The following PRR5 variants were observed in gnomAD, a reference collection of about 807,000 sequenced individuals.
PRR5 encodes proline-rich protein 5.
In PRR5, 25 loss-of-function variants were observed where a neutral mutation model predicts 30.6. That is an observed-to-expected ratio of 0.82 (90% CI 0.60 to 1.14). PRR5 has a LOEUF of 1.14. PRR5 is among the 50% of genes most tolerant of loss of function. The pLI is 0.00. For synonymous variants in PRR5, 286 were observed against 247.1 expected (o/e 1.16, Z -1.48); for missense variants, 600 against 547.1 (o/e 1.10, Z -0.96).
At chr22:44,695,923 C>CTTTTTTTTTT (rs79228617) in intron 1 of PRR5, among the ~76,000 whole-genome samples, 10 of 73,346 alleles carry the variant, frequency 1.4e-4, no homozygotes, top group Admixed American at 4.3e-4. Context: ...ATTCTGACAA[C>CTTTTTTTTTT]TTTTTTTTTT....
chr22:44,681,960 A>G (rs545049885), intron 1 of PRR5, among the ~76,000 whole-genome samples: 9 of 152,306 alleles, frequency 5.9e-5, no homozygotes, highest in Admixed American at 5.9e-4. Context: ...GCCTGAGAGC[A>G]CAGTGGCTGG....
chr22:44,699,072 G>A (rs1411218410), upstream of PRR5, among the ~76,000 whole-genome samples: 4 of 152,198 alleles, frequency 2.6e-5, no homozygotes, highest in Non-Finnish European at 5.9e-5. Context: ...CCAGGGAGAG[G>A]TTATAGCTAA....
At chr22:44,717,781 A>C (rs1929310514) in intron 2 of PRR5, among the ~76,000 whole-genome samples, 1 of 145,866 alleles carries the variant, frequency 6.9e-6, no homozygotes, top group Non-Finnish European at 1.5e-5. Flanking sequence ...CAATGGCGTG[A>C]TCTCGGCTCA....
intron 2 of PRR5, among the ~76,000 whole-genome samples, chr22:44,717,348 C>T (rs890433059): frequency 6.6e-5 from 10 of 152,016 alleles, no homozygotes; most frequent in African/African-American, 1.9e-4. Context: ...CACATCACCA[C>T]GCCTGGCTAA....
chr22:44,670,589 T>A (rs971403949), intron 1 of PRR5, among the ~76,000 whole-genome samples: 20 of 152,356 alleles, frequency 1.3e-4, no homozygotes, highest in African/African-American at 3.8e-4. Context: ...GGGCTGGCAC[T>A]TCTGTGTCTT....
chr22:44,717,597 G>T (rs1425039599), intron 2 of PRR5, among the ~76,000 whole-genome samples: 2 of 152,112 alleles, frequency 1.3e-5, no homozygotes, highest in Non-Finnish European at 2.9e-5. Context: ...CTGTGGATGT[G>T]CCTATTCTGG....
rs1469554933 is a variant in PRR5 at position 44,737,327 on chromosome 22, C to CT, written c.*86dup. On this transcript the variant is annotated 3_prime_UTR_variant, in exon 8 of 8. Transcript: ENST00000336985. ...CCATGTGGCGTGTGTGTGAGTGAGACTTTTTTACTGCGTCCCGTCCCGCCA... is the reference window on the plus strand; with the variant it reads ...CCATGTGGCGTGTGTGTGAGTGAGACTTTTTTTACTGCGTCCCGTCCCGCCA... The CT allele has an allele frequency of 1.3e-5, 20 of 1,507,252 alleles. No homozygotes were observed. The highest frequency in any genetic ancestry group is 1.6e-5 in the Non-Finnish European group (18 of 1,128,350). 93.4% of individuals were successfully genotyped at this position (1,507,252 alleles called of 1,614,324 possible).
chr22:44,673,892 C>T (rs1202003296), upstream of PRR5, among the ~76,000 whole-genome samples: 3 of 152,122 alleles, frequency 2.0e-5, no homozygotes, highest in Non-Finnish European at 4.4e-5. Flanking sequence ...GAGTAAAATG[C>T]TCAACAAAGA....
intron 6 of PRR5, among the ~76,000 whole-genome samples, chr22:44,732,918 A>G (rs1602097235): frequency 7.0e-6 from 1 of 143,310 alleles, no homozygotes; most frequent in East Asian, 2.3e-4. Context: ...CACACTACAC[A>G]CGTGCGCACG....
At chr22:44,705,840 G>T (rs1018583558) in intron 1 of PRR5, among the ~76,000 whole-genome samples, 35 of 152,112 alleles carry the variant, frequency 2.3e-4, no homozygotes, top group African/African-American at 8.4e-4. Context: ...ACCCAGGCTG[G>T]AGTGCAGTGG....
At chr22:44,702,114 C>CGCCCCGCCCGCGCTG (rs1926372560), upstream of PRR5, 1 of 228,766 alleles carries the variant, frequency 4.4e-6, no homozygotes, top group Non-Finnish European at 7.4e-6. Flanking sequence ...CCTGAGGCCC[C>CGCCCCGCCCGCGCTG]GCCCCGCCCG....
intron 1 of PRR5, among the ~76,000 whole-genome samples, chr22:44,678,949 A>G (rs1466663655): frequency 6.6e-6 from 1 of 152,166 alleles, no homozygotes; most frequent in African/African-American, 2.4e-5. Flanking sequence ...GACAGGAGGA[A>G]GCCTGGGATG....
intron 7 of PRR5, among the ~76,000 whole-genome samples, chr22:44,736,120 C>T (rs1923203902): frequency 1.3e-5 from 2 of 152,228 alleles, no homozygotes; most frequent in African/African-American, 2.4e-5. Context: ...GCCTCCCGCC[C>T]AGATGAACCA....
Position 44,737,428 on chromosome 22 carries a change from C to A in PRR5, c.*181C>A, listed in dbSNP as rs1046762012. 1.5e-6 allele frequency: 2 copies of A among 1,295,432 alleles called. No homozygotes were observed. The highest frequency in any genetic ancestry group is 2.6e-5 in the East Asian group (1 of 38,882). The allele number at this position is 1,295,432 out of a possible 1,614,324, so 80.2% of individuals were successfully genotyped here. On this transcript the variant is annotated 3_prime_UTR_variant, in exon 8 of 8. Coordinates refer to ENST00000336985, the MANE Select transcript of PRR5 (RefSeq NM_181333.4). ...TTGGAAATACCATCAGCCTTCCTTG[C>A]TCGGCCCAGGTCTGTTTCAGGCATC...
chr22:44,704,453 G>C (rs568503484), intron 1 of PRR5, among the ~76,000 whole-genome samples: 1 of 152,030 alleles, frequency 6.6e-6, no homozygotes, highest in Non-Finnish European at 1.5e-5. Flanking sequence ...GGAGGCCTCA[G>C]GGGGACTCTG....
intron 2 of PRR5, among the ~76,000 whole-genome samples, chr22:44,724,246 G>A (rs985999648): frequency 1.3e-5 from 2 of 152,116 alleles, no homozygotes; most frequent in African/African-American, 4.8e-5. Context: ...GACCAGCCTG[G>A]CCAACATGGT....
intron 1 of PRR5, among the ~76,000 whole-genome samples, chr22:44,670,840 A>G (rs1014543377): frequency 2.6e-5 from 4 of 152,258 alleles, no homozygotes; most frequent in Non-Finnish European, 4.4e-5. Flanking sequence ...GGGGTGGGTG[A>G]CGAGAAGGAA....
At chr22:44,708,779 C>CA (rs1387417822) in intron 1 of PRR5, among the ~76,000 whole-genome samples, 2 of 151,900 alleles carry the variant, frequency 1.3e-5, no homozygotes, top group Non-Finnish European at 2.9e-5. Flanking sequence ...CCAGCCTGGC[C>CA]AACATGGTGA....
chr22:44,726,557 C>T lies in PRR5; in HGVS notation c.265-20C>T, dbSNP rs369434846. On this transcript the variant is annotated intron_variant, in intron 3 of 7. Coordinates refer to ENST00000336985, the MANE Select transcript of PRR5 (RefSeq NM_181333.4). ...GGGCATCCACAAGGGCGGTGACAGC[C>T]CCTCTGTGTTTACCTTCAGAACCAG... The T allele has an allele frequency of 1.9e-6, 3 of 1,613,872 alleles. No individual in the cohort carries two copies. Among genetic ancestry groups the T allele is most frequent in the Non-Finnish European group, 2.5e-6 (3 of 1,180,032 alleles).
Sources: gnomAD v4.1 joint callset for allele counts (sites outside exome capture counted in the v4.1 genomes callset) on GRCh38, gnomAD v4.1.1 for gene constraint, MANE v1.5 for transcripts, NCBI Gene and HGNC (gene_info 2026-07-23, HGNC 2026-07-21) for gene names.